The following WAC variants were observed in gnomAD, a reference collection of about 807,000 sequenced individuals.
WAC encodes WW domain containing adaptor with coiled-coil.
WAC carries 11 observed loss-of-function variants against 79.6 expected under a neutral mutation model. The ratio of observed to expected loss-of-function variants is 0.14; its 90% CI spans 0.09 to 0.23. The LOEUF is 0.23. Ranked by LOEUF, WAC falls within the 10% of genes least tolerant of loss-of-function variation. The pLI, the probability that WAC is intolerant of heterozygous loss-of-function variation, is 1.00. For synonymous variants in WAC, 304 were observed against 276.9 expected (o/e 1.10, Z -0.97); for missense variants, 728 against 773.5 (o/e 0.94, Z 0.70).
intron 3 of WAC, among the ~76,000 whole-genome samples, chr10:28,545,113 C>T (rs1837282277): frequency 2.0e-5 from 3 of 151,858 alleles, no homozygotes; most frequent in African/African-American, 7.3e-5. Context: ...TTATTAGGCT[C>T]CCCTGAGAAG....
chr10:28,589,751 G>C lies in WAC; in HGVS notation c.397G>C (p.Asp133His), dbSNP rs923680098. Residue 133 changes from aspartate (D) to histidine (H), a missense_variant, in exon 5 of 14, where the codon GAT becomes CAT. Asp to His is a moderately conservative substitution (Grantham distance 81, BLOSUM62 -1). Coordinates refer to ENST00000354911, the MANE Select transcript of WAC (RefSeq NM_016628.5). ...KTSDAPYDSA[D>H]DWSEHISSSG... Reference sequence around the variant, plus strand: ...TATTTTTAAGCCTTATGATTCTGCAGATGACTGGTCTGAGCATATTAGCTC... The same window carrying C: ...TATTTTTAAGCCTTATGATTCTGCACATGACTGGTCTGAGCATATTAGCTC... The C allele has an allele frequency of 3.7e-6, 6 of 1,607,578 alleles. No homozygotes were observed. Among genetic ancestry groups the C allele is most frequent in the Admixed American group, 3.4e-5 (2 of 59,236 alleles).
At chr10:28,556,827 C>T (rs1469463219) in intron 3 of WAC, among the ~76,000 whole-genome samples, 4 of 152,050 alleles carry the variant, frequency 2.6e-5, no homozygotes, top group Admixed American at 6.6e-5. Flanking sequence ...TTTCCATTTC[C>T]GTTTCTCATT....
intron 3 of WAC, among the ~76,000 whole-genome samples, chr10:28,537,419 T>G (rs1169893372): frequency 6.6e-6 from 1 of 152,202 alleles, no homozygotes; most frequent in Non-Finnish European, 1.5e-5. Flanking sequence ...TTTGAAAAAT[T>G]TGGTGATTGT....
At chr10:28,552,160 C>T (rs1010207927) in intron 3 of WAC, among the ~76,000 whole-genome samples, 2 of 152,258 alleles carry the variant, frequency 1.3e-5, no homozygotes, top group Middle Eastern at 3.4e-3. Context: ...AAAATCAATA[C>T]ATTATTTGTT....
intron 3 of WAC, among the ~76,000 whole-genome samples, chr10:28,558,649 T>A (rs1483319224): frequency 6.6e-6 from 1 of 152,226 alleles, no homozygotes; most frequent in Non-Finnish European, 1.5e-5. Flanking sequence ...CTCATTGCCT[T>A]CATTGTATCA....
intron 7 of WAC, among the ~76,000 whole-genome samples, chr10:28,607,652 G>A (rs1479057141): frequency 6.6e-6 from 1 of 152,116 alleles, no homozygotes; most frequent in East Asian, 1.9e-4. Flanking sequence ...AAGTATAAAA[G>A]TCTCTTCTCA....
intron 3 of WAC, among the ~76,000 whole-genome samples, chr10:28,556,468 C>G (rs1838001867): frequency 7.5e-6 from 1 of 133,244 alleles, no homozygotes; most frequent in Non-Finnish European, 1.5e-5. Context: ...CCCCTTATCA[C>G]AAATATGGTT....
chr10:28,596,138 A>G, intron 7 of WAC, 97 bp downstream of exon 7: 1 of 1,305,526 alleles, frequency 7.7e-7, no homozygotes, highest in South Asian at 1.6e-5. Flanking sequence ...GCTCTGAATT[A>G]TAAATTTTTA....
At chr10:28,540,706 T>C (rs1280040489) in intron 3 of WAC, among the ~76,000 whole-genome samples, 2 of 152,202 alleles carry the variant, frequency 1.3e-5, no homozygotes, top group African/African-American at 4.8e-5. Context: ...CTAGTAAAAA[T>C]AGTGACACAT....
chr10:28,540,659 TTAA>T (rs1477862016), intron 3 of WAC, among the ~76,000 whole-genome samples: 11 of 152,236 alleles, frequency 7.2e-5, no homozygotes, highest in Non-Finnish European at 1.5e-4. Flanking sequence ...CGTTTGGATT[TTAA>T]TAATACGTTT....
intron 3 of WAC, among the ~76,000 whole-genome samples, chr10:28,539,243 T>C (rs201494927): frequency 6.6e-6 from 1 of 152,166 alleles, no homozygotes; most frequent in Admixed American, 6.5e-5. Flanking sequence ...TCAGAAGTAA[T>C]GTATGAAAGG....
intron 7 of WAC, among the ~76,000 whole-genome samples, chr10:28,603,660 C>T (rs536978016): frequency 2.6e-5 from 4 of 151,956 alleles, no homozygotes; most frequent in South Asian, 4.2e-4. Flanking sequence ...AGGCCAGGTG[C>T]GGTAGCTCAC....
chr10:28,603,058 A>G (rs1486102291), intron 7 of WAC, among the ~76,000 whole-genome samples: 4 of 152,242 alleles, frequency 2.6e-5, no homozygotes, highest in Non-Finnish European at 5.9e-5. Flanking sequence ...TTGAAAGATC[A>G]TAGGCACACA....
intron 7 of WAC, among the ~76,000 whole-genome samples, chr10:28,599,858 T>C (rs2132733669): frequency 6.6e-6 from 1 of 152,262 alleles, no homozygotes; most frequent in South Asian, 2.1e-4. Flanking sequence ...GGGTAACATT[T>C]GAACATCTAT....
intron 10 of WAC, among the ~76,000 whole-genome samples, chr10:28,612,266 A>G (rs910455988): frequency 3.3e-5 from 5 of 152,260 alleles, no homozygotes; most frequent in African/African-American, 9.6e-5. Flanking sequence ...TGACTTTTCC[A>G]TATTTGTATT....
At chr10:28,604,051 T>C (rs1002399835) in intron 7 of WAC, among the ~76,000 whole-genome samples, 14 of 147,258 alleles carry the variant, frequency 9.5e-5, no homozygotes, top group African/African-American at 3.2e-4. Flanking sequence ...TTCCAAAGTT[T>C]TGTTGCCTTT....
chr10:28,617,557 T>C, intron 12 of WAC, 100 bp from the exon 13 acceptor site: 2 of 1,088,824 alleles, frequency 1.8e-6, no homozygotes, highest in Non-Finnish European at 2.5e-6. Context: ...AAAAGGATTA[T>C]TCTCTAATCC....
chr10:28,580,966 A>G (rs1024129952), intron 3 of WAC, among the ~76,000 whole-genome samples: 7 of 152,280 alleles, frequency 4.6e-5, no homozygotes, highest in Admixed American at 4.6e-4. Context: ...CAAAATCTGA[A>G]GGAATCCAGG....
chr10:28,542,367 C>T (rs566222405), intron 3 of WAC, among the ~76,000 whole-genome samples: 5 of 152,276 alleles, frequency 3.3e-5, no homozygotes, highest in East Asian at 1.9e-4. Flanking sequence ...CTGAAAGTCA[C>T]GGTGCTGTGC....
Sources: allele counts gnomAD v4.1 joint callset (sites outside exome capture counted in the v4.1 genomes callset), GRCh38; gene constraint gnomAD v4.1.1; transcripts MANE v1.5; gene names NCBI Gene and HGNC (gene_info 2026-07-23, HGNC 2026-07-21).